The following GLRA3 variants were observed in gnomAD, a reference collection of about 807,000 sequenced individuals.
The protein encoded by GLRA3 is glycine receptor alpha 3.
A neutral mutation model predicts 60.4 loss-of-function variants in GLRA3; 44 were observed. The observed-to-expected ratio is 0.73, with a 90% CI of 0.57 to 0.94. GLRA3 has a LOEUF of 0.94. Ranked by LOEUF, GLRA3 falls within the 40% of genes least tolerant of loss-of-function variation. GLRA3 has a pLI of 0.00. For missense variants in GLRA3, 508 were observed against 564.6 expected (o/e 0.90, Z 1.02); for synonymous variants, 223 against 192.9 (o/e 1.16, Z -1.29).
intron 1 of GLRA3, among the ~76,000 whole-genome samples, chr4:174,794,090 T>A (rs1739468157): frequency 6.6e-6 from 1 of 152,138 alleles, no homozygotes; most frequent in African/African-American, 2.4e-5. Context: ...TTAACTCATT[T>A]CTAAAATATT....
At chr4:174,750,209 T>C (rs572090359) in intron 3 of GLRA3, among the ~76,000 whole-genome samples, 27 of 152,128 alleles carry the variant, frequency 1.8e-4, no homozygotes, top group Non-Finnish European at 3.8e-4. Context: ...TGCTAGACCA[T>C]GGATTATGAA....
intron 5 of GLRA3, among the ~76,000 whole-genome samples, chr4:174,702,934 T>C (rs1304321355): frequency 1.3e-5 from 2 of 152,218 alleles, no homozygotes; most frequent in African/African-American, 4.8e-5. Flanking sequence ...TTACAATTTC[T>C]AATCAACAGT....
intron 5 of GLRA3, among the ~76,000 whole-genome samples, chr4:174,711,655 G>T (rs909945145): frequency 3.9e-5 from 6 of 152,008 alleles, no homozygotes; most frequent in Middle Eastern, 3.4e-3. Context: ...GGCTAGGCTG[G>T]TCTCAAACAC....
At chr4:174,703,585 C>A (rs1735404777) in intron 5 of GLRA3, among the ~76,000 whole-genome samples, 1 of 152,066 alleles carries the variant, frequency 6.6e-6, no homozygotes, top group Admixed American at 6.6e-5. Flanking sequence ...TCCTCTTGAT[C>A]CTTTTTACAG....
intron 5 of GLRA3, among the ~76,000 whole-genome samples, chr4:174,703,354 T>C (rs916975288): frequency 1.3e-5 from 2 of 152,166 alleles, no homozygotes; most frequent in African/African-American, 4.8e-5. Context: ...CTCAGTATGG[T>C]ATCAAAACAC....
chr4:174,819,540 T>A lies in GLRA3; in HGVS notation c.71+9201A>T, dbSNP rs367544303. ...CACCTGCTCAAGATTCACTTAATAT[T>A]TCCTCCTTCTTTATAAAGAATTTAT... On this transcript the variant is annotated intron_variant, in intron 1 of 9. Coordinates refer to ENST00000274093, the MANE Select transcript of GLRA3 (RefSeq NM_006529.4). Among the ~76,000 whole-genome samples, 7 of 152,314 alleles carry A rather than the reference T, an allele frequency of 4.6e-5. No homozygotes were observed. The East Asian group carries it at 1.3e-3, about 29-fold the overall frequency.
At chr4:174,756,314 T>C (rs931108186) in intron 3 of GLRA3, among the ~76,000 whole-genome samples, 1 of 152,134 alleles carries the variant, frequency 6.6e-6, no homozygotes, top group Non-Finnish European at 1.5e-5. Context: ...AAAATAATAG[T>C]TCAACATCCA....
chr4:174,721,972 A>C (rs1736150532), intron 4 of GLRA3, among the ~76,000 whole-genome samples: 1 of 151,980 alleles, frequency 6.6e-6, no homozygotes, highest in Non-Finnish European at 1.5e-5. Context: ...AGATCTACAG[A>C]TTCTGGCATT....
At chr4:174,666,742 ATATATATATATATATAT>A (rs1368832523) in intron 7 of GLRA3, among the ~76,000 whole-genome samples, 2 of 122,612 alleles carry the variant, frequency 1.6e-5, no homozygotes, top group East Asian at 2.5e-4. Flanking sequence ...AAATAAGAAT[ATATATATATATATATAT>A]TATATATATA....
intron 2 of GLRA3, among the ~76,000 whole-genome samples, chr4:174,778,463 G>T (rs536492260): frequency 6.6e-6 from 1 of 152,134 alleles, no homozygotes; most frequent in East Asian, 1.9e-4. Flanking sequence ...AAAAACACAG[G>T]GGGGATGAGC....
intron 3 of GLRA3, among the ~76,000 whole-genome samples, chr4:174,739,020 G>GC (rs1449398819): frequency 6.6e-6 from 1 of 152,318 alleles, no homozygotes; most frequent in East Asian, 1.9e-4. Flanking sequence ...GCTCAGTAAA[G>GC]CCCTGCTCAG....
chr4:174,642,484 A>T lies in GLRA3; in HGVS notation c.*1302T>A, dbSNP rs1348567899. The T allele has an allele frequency of 3.1e-6, 3 of 976,546 alleles. No individual in the cohort carries two copies. Among genetic ancestry groups the T allele is most frequent in the East Asian group, 2.3e-4 (2 of 8,784 alleles). 60.5% of individuals were successfully genotyped at this position (976,546 alleles called of 1,614,324 possible). On this transcript the variant is annotated 3_prime_UTR_variant, in exon 10 of 10. Transcript: ENST00000274093. ...AATAGCAAAACTGAAAAAGAGTCAG[A>T]GTCTGGTTCTGTTTACCAAGAACTC...
intron 2 of GLRA3, among the ~76,000 whole-genome samples, chr4:174,788,354 CAGTT>C: frequency 6.6e-6 from 1 of 152,006 alleles, no homozygotes; most frequent in African/African-American, 2.4e-5. Flanking sequence ...CAAAGGCTGT[CAGTT>C]AGCAATCCAG....
At chr4:174,736,061 T>A (rs7695117) in intron 3 of GLRA3, among the ~76,000 whole-genome samples, 44,465 of 151,612 alleles carry the variant, frequency 0.29, 6,718 homozygotes, top group African/African-American at 0.36. Context: ...TTCTTCCCAG[T>A]AATGGGAAGA....
intron 4 of GLRA3, among the ~76,000 whole-genome samples, chr4:174,719,064 C>T (rs990332116): frequency 6.8e-6 from 1 of 147,632 alleles, no homozygotes; most frequent in African/African-American, 2.5e-5. Flanking sequence ...CTGGGGTTCA[C>T]CCCATTCTCC....
At chr4:174,647,518 G>A (rs1325376572) in intron 9 of GLRA3, among the ~76,000 whole-genome samples, 2 of 151,976 alleles carry the variant, frequency 1.3e-5, no homozygotes, top group Non-Finnish European at 2.9e-5. Flanking sequence ...AAGCCCAGTT[G>A]GTACTTGGAA....
At chr4:174,740,242 G>T (rs191523894) in intron 3 of GLRA3, among the ~76,000 whole-genome samples, 1 of 152,290 alleles carries the variant, frequency 6.6e-6, no homozygotes, top group East Asian at 1.9e-4. Flanking sequence ...AAGGCCGACT[G>T]TGTCAGATTA....
chr4:174,677,161 C>A lies in GLRA3; in HGVS notation c.844G>T (p.Ala282Ser). Reference protein sequence around the residue: ...WVSFWINMDAAPARVALGITT... With the variant: ...WVSFWINMDASPARVALGITT... ...ATCCCCAGAGCTACCCTGGCCGGTGCTGCATCCATGTTGATCCAGAATGAA... is the reference window on the plus strand; with the variant it reads ...ATCCCCAGAGCTACCCTGGCCGGTGATGCATCCATGTTGATCCAGAATGAA... Residue 282 changes from alanine (A) to serine (S), a missense_variant, in exon 7 of 10, where the codon GCA becomes TCA. This residue lies in a region of GLRA3 where 329 missense variants were observed against 349.3 expected (regional missense o/e 0.94). Transcript: ENST00000274093. 1 of 1,612,988 alleles carries A rather than the reference C, an allele frequency of 6.2e-7. No individual in the cohort carries two copies. Among genetic ancestry groups the A allele is most frequent in the Non-Finnish European group, 8.5e-7 (1 of 1,179,022 alleles).
chr4:174,793,361 T>TA (rs1381922773), intron 1 of GLRA3, among the ~76,000 whole-genome samples: 1 of 151,998 alleles, frequency 6.6e-6, no homozygotes, highest in Non-Finnish European at 1.5e-5. Context: ...CATACCATGA[T>TA]ACCATTTTGC....
Sources: allele counts gnomAD v4.1 joint callset (sites outside exome capture counted in the v4.1 genomes callset), GRCh38; gene constraint gnomAD v4.1.1; regional missense constraint gnomAD v4.1.1; transcripts MANE v1.5; gene names NCBI Gene and HGNC (gene_info 2026-07-23, HGNC 2026-07-21).